Variants in NBAS observed in about 807,000 individuals in gnomAD.
The protein encoded by NBAS is NBAS subunit of NRZ tethering complex.
In NBAS, 219 loss-of-function variants were observed where a neutral mutation model predicts 302.5. The ratio of observed to expected loss-of-function variants is 0.72; its 90% CI spans 0.65 to 0.81. NBAS has a LOEUF of 0.81. Among genes scored for constraint, NBAS ranks in the 30% least tolerant of loss-of-function variants. The pLI, the probability that NBAS is intolerant of heterozygous loss-of-function variation, is 0.00. For missense variants in NBAS, 2,932 were observed against 2,841.6 expected (o/e 1.03, Z -0.72); for synonymous variants, 1,118 against 1,021.6 (o/e 1.09, Z -1.80).
chr2:15,417,746 A>G lies in NBAS; in HGVS notation c.2578-34T>C, dbSNP rs375513115. Reference sequence around the variant, plus strand: ...GAAAAGCAACAATAAGTTCCTGAGTATTATATATTTCTCATCTATTCTAAA... The same window carrying G: ...GAAAAGCAACAATAAGTTCCTGAGTGTTATATATTTCTCATCTATTCTAAA... On this transcript the variant is annotated intron_variant, in intron 23 of 51. Coordinates refer to ENST00000281513, the MANE Select transcript of NBAS (RefSeq NM_015909.4). 2.2e-5 allele frequency: 35 copies of G among 1,585,488 alleles called. No individual in the cohort carries two copies. In the African/African-American group the frequency reaches 4.6e-4, roughly 21 times the overall value.
intron 35 of NBAS, among the ~76,000 whole-genome samples, chr2:15,338,981 C>T (rs1029543364): frequency 6.6e-6 from 1 of 152,122 alleles, no homozygotes; most frequent in African/African-American, 2.4e-5. Context: ...CCACACTGCA[C>T]TCCAGCATTG....
chr2:14,824,471 G>T, the NBAS span, among the ~76,000 whole-genome samples: 1 of 152,054 alleles, frequency 6.6e-6, no homozygotes, highest in Non-Finnish European at 1.5e-5. Flanking sequence ...ATTTGTAGGG[G>T]ACAGAAAGAA....
At chr2:14,813,814 G>C in the NBAS span, among the ~76,000 whole-genome samples, 2 of 152,156 alleles carry the variant, frequency 1.3e-5, no homozygotes, top group African/African-American at 2.4e-5. Context: ...CAGGACAATG[G>C]GGAAAATGCC....
At chr2:14,884,166 C>G in the NBAS span, among the ~76,000 whole-genome samples, 154 of 152,134 alleles carry the variant, frequency 1.0e-3, no homozygotes, top group Non-Finnish European at 1.8e-3. Context: ...CTCATGATGG[C>G]AAGCTTCATT....
the NBAS span, among the ~76,000 whole-genome samples, chr2:14,856,377 A>G: frequency 6.6e-6 from 1 of 152,342 alleles, no homozygotes; most frequent in Non-Finnish European, 1.5e-5. Context: ...ATGACCCTTC[A>G]ATGAACAGAC....
At chr2:14,825,538 G>T in the NBAS span, among the ~76,000 whole-genome samples, 8 of 152,278 alleles carry the variant, frequency 5.3e-5, no homozygotes, top group South Asian at 1.0e-3. Flanking sequence ...TATGGCCTTA[G>T]AAATGAGCCT....
intron 50 of NBAS, among the ~76,000 whole-genome samples, chr2:15,184,556 A>G (rs565209604): frequency 7.2e-4 from 109 of 152,190 alleles, no homozygotes; most frequent in African/African-American, 2.6e-3. Context: ...TTGTGCTCCT[A>G]TAAGAATCTT....
At chr2:15,036,540 T>C in the NBAS span, among the ~76,000 whole-genome samples, 1 of 152,066 alleles carries the variant, frequency 6.6e-6, no homozygotes, top group African/African-American at 2.4e-5. Flanking sequence ...ACCTTAACAC[T>C]CCCGAGTTCT....
the NBAS span, among the ~76,000 whole-genome samples, chr2:14,783,134 A>G: frequency 2.6e-5 from 4 of 152,154 alleles, no homozygotes; most frequent in Admixed American, 6.5e-5. Flanking sequence ...AAAGACAGAG[A>G]AAAAATAAAA....
chr2:15,053,360 A>C, the NBAS span, among the ~76,000 whole-genome samples: 1 of 152,146 alleles, frequency 6.6e-6, no homozygotes, highest in East Asian at 1.9e-4. Flanking sequence ...GCAGGAAGGA[A>C]CTCAGGGGCC....
chr2:14,948,988 G>A, the NBAS span, among the ~76,000 whole-genome samples: 1 of 151,950 alleles, frequency 6.6e-6, no homozygotes, highest in Admixed American at 6.6e-5. Context: ...AACATACAAT[G>A]GTAAAAGAAC....
At chr2:15,209,916 T>A (rs1031292702) in intron 48 of NBAS, among the ~76,000 whole-genome samples, 1 of 152,060 alleles carries the variant, frequency 6.6e-6, no homozygotes, top group African/African-American at 2.4e-5. Context: ...AAACTGGATA[T>A]CCATATGCAA....
At chr2:15,228,756 AT>A (rs1168882906) in intron 47 of NBAS, among the ~76,000 whole-genome samples, 1 of 152,210 alleles carries the variant, frequency 6.6e-6, no homozygotes, top group Non-Finnish European at 1.5e-5. Context: ...GATCTCACTC[AT>A]ATGTGGAATC....
At chr2:15,374,807 T>A in intron 30 of NBAS, 87 bp from the exon 31 acceptor site, 2 of 1,138,024 alleles carry the variant, frequency 1.8e-6, no homozygotes, top group Non-Finnish European at 1.3e-6. Context: ...CACATATTTA[T>A]CAAAAATCTA....
the NBAS span, among the ~76,000 whole-genome samples, chr2:14,895,706 C>CTCCA: frequency 6.7e-6 from 1 of 149,824 alleles, no homozygotes; most frequent in Non-Finnish European, 1.5e-5. Context: ...CGCCACCGCA[C>CTCCA]TCCAGCCTGG....
chr2:14,791,894 C>T, the NBAS span, among the ~76,000 whole-genome samples: 1 of 152,086 alleles, frequency 6.6e-6, no homozygotes, highest in African/African-American at 2.4e-5. Flanking sequence ...GGCCTAGTCT[C>T]AACAAGCAGC....
the NBAS span, among the ~76,000 whole-genome samples, chr2:14,837,468 C>T: frequency 1.3e-5 from 2 of 151,210 alleles, no homozygotes; most frequent in African/African-American, 4.8e-5. Flanking sequence ...GCTGTTTCTC[C>T]TTTTTTCTAG....
At chr2:15,018,278 A>C in the NBAS span, among the ~76,000 whole-genome samples, 36 of 152,064 alleles carry the variant, frequency 2.4e-4, no homozygotes, top group African/African-American at 8.2e-4. Context: ...GTTTTAAATA[A>C]CTAGAAGGAG....
intron 35 of NBAS, 109 bp downstream of exon 35, chr2:15,351,883 C>T: frequency 2.9e-6 from 2 of 700,856 alleles, no homozygotes; most frequent in South Asian, 1.6e-5. Context: ...CACACACACA[C>T]ACACACACAC....
Sources: gnomAD v4.1 joint callset for allele counts (sites outside exome capture counted in the v4.1 genomes callset) on GRCh38, gnomAD v4.1.1 for gene constraint, MANE v1.5 for transcripts, NCBI Gene and HGNC (gene_info 2026-07-23, HGNC 2026-07-21) for gene names.